EML5: variants seen among roughly 807,000 people sequenced by gnomAD.
EML5 encodes echinoderm microtubule-associated protein-like 5.
In EML5, 120 loss-of-function variants were observed where a neutral mutation model predicts 250.0. The observed-to-expected ratio is 0.48, with a 90% CI of 0.41 to 0.56. EML5 has a LOEUF of 0.56. EML5 is among the 20% of genes least tolerant of loss of function. The probability of loss-of-function intolerance (pLI) is 0.00; values close to 1 mark genes in which losing one functional copy is unlikely to be tolerated. For missense variants in EML5, 2,006 were observed against 2,437.6 expected, an observed-to-expected ratio of 0.82 and a Z score of 3.73; for synonymous variants, 771 against 806.5, an observed-to-expected ratio of 0.96 and a Z score of 0.75.
At chr14:88,619,735 C>T (rs12888461) in intron 39 of EML5, 11,631 of 152,142 alleles carry the variant, frequency 0.076, 616 homozygotes, top group Non-Finnish European at 0.12. Context: ...GGCTGGAGTG[C>T]GATGGCGCAA....
chr14:88,662,542 C>CT (rs56347693), intron 24 of EML5, among the ~76,000 whole-genome samples: 41,371 of 121,664 alleles, frequency 0.34, 7,823 homozygotes, highest in Middle Eastern at 0.47. Context: ...TGATTTATTC[C>CT]TTTTTTTTTT....
chr14:88,665,622 G>A (rs2092284835), intron 21 of EML5, 133 bp from the exon 22 acceptor site: 1 of 1,142,610 alleles, frequency 8.8e-7, no homozygotes, highest in South Asian at 1.6e-5. Flanking sequence ...CGGCCAGGAG[G>A]TTAAGACCAG....
chr14:88,664,481 T>C lies in EML5; in HGVS notation c.3409+12A>G, dbSNP rs752551062. On this transcript the variant is annotated intron_variant, in intron 23 of 43. Transcript: ENST00000554922. Reference sequence around the variant, plus strand: ...AAACTTTTATCAAGTATTAAGTTATTTAAAGTCTTACCTCTAATATCCCAA... The same window carrying C: ...AAACTTTTATCAAGTATTAAGTTATCTAAAGTCTTACCTCTAATATCCCAA... The C allele has an allele frequency of 6.3e-7, 1 of 1,581,372 alleles. No individual in the cohort carries two copies. The highest frequency in any genetic ancestry group is 8.5e-7 in the Non-Finnish European group (1 of 1,170,222).
chr14:88,712,154 AC>A (rs2093418938), intron 10 of EML5, 116 bp downstream of exon 10: 2 of 686,882 alleles, frequency 2.9e-6, no homozygotes, highest in Admixed American at 5.8e-5. Flanking sequence ...GAAACCCTTC[AC>A]CAATCAGTGT....
In EML5 at chr14:88,638,841, T is replaced by G. The variant is rs372620794; in HGVS notation, c.4304A>C (p.Lys1435Thr). The G allele has an allele frequency of 2.5e-6, 4 of 1,597,284 alleles. No individual in the cohort carries two copies. The highest frequency in any genetic ancestry group is 2.2e-5 in the East Asian group (1 of 44,454). Residue 1435 changes from lysine (K) to threonine (T), a missense_variant, in exon 32 of 44, where the codon AAA (lysine) becomes ACA (threonine). Physicochemically the swap from Lys to Thr is moderately conservative, Grantham distance 78. Transcript: ENST00000554922. ...GCCAGTTGCCACTATGTTGATAAATTTGGGGTGCTGGTTTACTGTGAGGCA... is the reference window on the plus strand; with the variant it reads ...GCCAGTTGCCACTATGTTGATAAATGTGGGGTGCTGGTTTACTGTGAGGCA... ...ILCLTVNQHP[K>T]FINIVATGQV... is the part of the protein sequence containing the mutation.
At chr14:88,694,766 A>G (rs944619974) in intron 16 of EML5, among the ~76,000 whole-genome samples, 12 of 152,178 alleles carry the variant, frequency 7.9e-5, no homozygotes, top group Non-Finnish European at 1.8e-4. Context: ...AATTCCTCTT[A>G]AACTATTGTT....
rs1456122245 is a variant in EML5, at chr14:88,622,603, CT to C, written c.5013del (p.Gly1672AlafsTer12). Reference sequence around the variant, plus strand: ...CTGTATCAGCTCATGGAACATCTTACTTTGCCTCTGCACACAGAACGAACAC... The same window carrying C: ...CTGTATCAGCTCATGGAACATCTTACTTGCCTCTGCACACAGAACGAACAC... ...TDCVRSVCRG[K>X]GKILVGTRNA... On this transcript the variant is annotated frameshift_variant and splice_region_variant, in exon 37 of 44. Transcript: ENST00000554922. LOFTEE classifies it high-confidence loss of function. 1 of 1,594,942 alleles carries C rather than the reference CT, an allele frequency of 6.3e-7. No homozygotes were observed. Among genetic ancestry groups the C allele is most frequent in the African/African-American group, 1.3e-5 (1 of 74,168 alleles).
chr14:88,783,682 T>C (rs2094521300), intron 1 of EML5, among the ~76,000 whole-genome samples: 4 of 152,148 alleles, frequency 2.6e-5, no homozygotes, highest in South Asian at 4.1e-4. Context: ...TTATTAGAGC[T>C]AGAGAGAGAG....
intron 7 of EML5, among the ~76,000 whole-genome samples, chr14:88,731,781 C>T (rs1277158249): frequency 4.9e-4 from 74 of 152,028 alleles, no homozygotes; most frequent in South Asian, 4.2e-4. Context: ...TGAGATGGTA[C>T]CTCATTGTGG....
intron 33 of EML5, among the ~76,000 whole-genome samples, chr14:88,631,327 C>T (rs902180719): frequency 2.6e-5 from 4 of 152,222 alleles, no homozygotes; most frequent in Non-Finnish European, 5.9e-5. Flanking sequence ...AATCTACCTA[C>T]CTCAACCTTC....
At chr14:88,698,142 C>G (rs1161434438) in intron 14 of EML5, among the ~76,000 whole-genome samples, 4 of 151,972 alleles carry the variant, frequency 2.6e-5, no homozygotes, top group Non-Finnish European at 4.4e-5. Context: ...AAATTTTTAA[C>G]ATTTTTTGTG....
At chr14:88,705,641 A>G in intron 11 of EML5, 53 bp from the exon 12 acceptor site, 4 of 1,306,642 alleles carry the variant, frequency 3.1e-6, no homozygotes, top group Non-Finnish European at 4.3e-6. Flanking sequence ...TCATTTTCAA[A>G]ACAGCACTGA....
chr14:88,631,966 G>T (rs946831673), intron 33 of EML5, among the ~76,000 whole-genome samples: 16 of 152,128 alleles, frequency 1.1e-4, no homozygotes, highest in African/African-American at 3.9e-4. Flanking sequence ...AGGGAAAATG[G>T]AAGTCATCAG....
intron 2 of EML5, among the ~76,000 whole-genome samples, chr14:88,746,699 T>G (rs2140304195): frequency 6.6e-6 from 1 of 152,286 alleles, no homozygotes; most frequent in South Asian, 2.1e-4. Context: ...GGTGAATACT[T>G]GTACCCCTGA....
intron 1 of EML5, among the ~76,000 whole-genome samples, chr14:88,779,639 T>C (rs573014535): frequency 1.3e-5 from 2 of 152,336 alleles, no homozygotes; most frequent in African/African-American, 4.8e-5. Context: ...GTCACCCTAC[T>C]AGTCTTTTAT....
chr14:88,647,711 G>A (rs1161572554), intron 28 of EML5, among the ~76,000 whole-genome samples: 5 of 108,022 alleles, frequency 4.6e-5, no homozygotes, highest in Admixed American at 1.9e-4. Context: ...AAAAAAAAAA[G>A]GGTTACTCCA....
At chr14:88,674,699 C>G (rs1258369933) in intron 21 of EML5, among the ~76,000 whole-genome samples, 1 of 152,202 alleles carries the variant, frequency 6.6e-6, no homozygotes, top group Non-Finnish European at 1.5e-5. Context: ...CCACCAAAGT[C>G]TTAACTCATT....
At chr14:88,690,786 A>AG (rs1481522142) in intron 17 of EML5, among the ~76,000 whole-genome samples, 1 of 152,210 alleles carries the variant, frequency 6.6e-6, no homozygotes, top group Non-Finnish European at 1.5e-5. Flanking sequence ...TAGAAGAGTT[A>AG]GAGTGATGTC....
chr14:88,742,376 T>C (rs577790492), intron 4 of EML5, among the ~76,000 whole-genome samples: 1 of 152,246 alleles, frequency 6.6e-6, no homozygotes, highest in Non-Finnish European at 1.5e-5. Context: ...TGTGTTTAAA[T>C]AGCTATGTAT....
Sources: gnomAD v4.1 joint callset for allele counts (sites outside exome capture counted in the v4.1 genomes callset) on GRCh38, gnomAD v4.1.1 for gene constraint, MANE v1.5 for transcripts, NCBI Gene and HGNC (gene_info 2026-07-23, HGNC 2026-07-21) for gene names.